Variants in MECOM observed in about 807,000 individuals in gnomAD.
MECOM encodes MDS1 and EVI1 complex locus, also known as histone-lysine N-methyltransferase MECOM.
In MECOM, 13 loss-of-function variants were observed where a neutral mutation model predicts 116.3. The observed-to-expected ratio is 0.11, with a 90% CI of 0.07 to 0.18. The LOEUF (loss-of-function observed/expected upper bound fraction) is 0.18, where lower values mean the gene tolerates loss of function less well. Among genes scored for constraint, MECOM ranks in the 10% least tolerant of loss-of-function variants. The pLI is 1.00. For synonymous variants in MECOM, 528 were observed against 535.2 expected (o/e 0.99, Z 0.19); for missense variants, 1,299 against 1,509.0 (o/e 0.86, Z 2.31).
chr3:169,559,328 CA>C (rs1365845159), intron 1 of MECOM, among the ~76,000 whole-genome samples: 2 of 152,054 alleles, frequency 1.3e-5, no homozygotes, highest in Admixed American at 6.6e-5. Flanking sequence ...CTTGGTCAAA[CA>C]ATACATTAAA....
chr3:169,319,228 T>C (rs1362011328), intron 2 of MECOM, among the ~76,000 whole-genome samples: 2 of 152,138 alleles, frequency 1.3e-5, no homozygotes, highest in Non-Finnish European at 2.9e-5. Flanking sequence ...ATATACACCA[T>C]GCAATACTAT....
chr3:169,131,150 T>G (rs748793263), intron 4 of MECOM, among the ~76,000 whole-genome samples: 1 of 152,188 alleles, frequency 6.6e-6, no homozygotes, highest in Admixed American at 6.5e-5. Context: ...CACCATAAAC[T>G]AATGCATTGA....
chr3:169,374,878 T>C (rs945189474), intron 2 of MECOM, among the ~76,000 whole-genome samples: 3 of 151,476 alleles, frequency 2.0e-5, no homozygotes, highest in Non-Finnish European at 4.4e-5. Context: ...ACAAAAGATG[T>C]TTTTTTTAAT....
intron 2 of MECOM, among the ~76,000 whole-genome samples, chr3:169,230,483 T>A (rs1440571797): frequency 6.6e-6 from 1 of 152,180 alleles, no homozygotes; most frequent in Non-Finnish European, 1.5e-5. Flanking sequence ...AGATACCAGT[T>A]CATTATGACT....
At chr3:169,657,697 G>A (rs1256489590) in intron 1 of MECOM, among the ~76,000 whole-genome samples, 1 of 152,208 alleles carries the variant, frequency 6.6e-6, no homozygotes, top group East Asian at 1.9e-4. Context: ...ACTCAAATAA[G>A]CTGCCCCAGC....
chr3:169,451,447 G>C (rs959962397), intron 1 of MECOM, among the ~76,000 whole-genome samples: 2 of 152,232 alleles, frequency 1.3e-5, no homozygotes, highest in Non-Finnish European at 2.9e-5. Flanking sequence ...AGGGAAAGTA[G>C]ATAGAAAGCT....
chr3:169,377,027 A>G (rs1229991779), intron 2 of MECOM, among the ~76,000 whole-genome samples: 1 of 152,160 alleles, frequency 6.6e-6, no homozygotes, highest in African/African-American at 2.4e-5. Context: ...AACACCACAC[A>G]TCTACAACCA....
intron 1 of MECOM, among the ~76,000 whole-genome samples, chr3:169,444,134 G>A (rs1744208976): frequency 6.6e-6 from 1 of 152,112 alleles, no homozygotes; most frequent in Non-Finnish European, 1.5e-5. Context: ...CAGAGTTCCT[G>A]AAGTATCATT....
chr3:169,279,337 C>T (rs1048606241), intron 2 of MECOM, among the ~76,000 whole-genome samples: 5 of 152,136 alleles, frequency 3.3e-5, no homozygotes, highest in African/African-American at 1.2e-4. Flanking sequence ...TTAGCTGGGT[C>T]AGTTTCTTCC....
At chr3:169,272,720 C>T (rs993694514) in intron 2 of MECOM, among the ~76,000 whole-genome samples, 1 of 152,050 alleles carries the variant, frequency 6.6e-6, no homozygotes, top group African/African-American at 2.4e-5. Context: ...CCTGGCCGGC[C>T]CCTGTGACCT....
At chr3:169,584,972 C>G (rs377655337) in intron 1 of MECOM, among the ~76,000 whole-genome samples, 3 of 152,142 alleles carry the variant, frequency 2.0e-5, no homozygotes, top group African/African-American at 7.2e-5. Context: ...AAGGATCTTA[C>G]GAGAATGATG....
intron 2 of MECOM, among the ~76,000 whole-genome samples, chr3:169,192,838 G>A (rs1185074141): frequency 2.0e-5 from 3 of 152,042 alleles, no homozygotes; most frequent in Non-Finnish European, 4.4e-5. Context: ...GGAAGGTGAT[G>A]TCATGCATTC....
At chr3:169,440,442 G>C (rs1446956840) in intron 1 of MECOM, among the ~76,000 whole-genome samples, 1 of 151,922 alleles carries the variant, frequency 6.6e-6, no homozygotes, top group East Asian at 1.9e-4. Context: ...AATTTGCCAA[G>C]TGGAGGTCCA....
At chr3:169,337,080 A>G (rs937463558) in intron 2 of MECOM, among the ~76,000 whole-genome samples, 2 of 152,194 alleles carry the variant, frequency 1.3e-5, no homozygotes, top group South Asian at 4.1e-4. Context: ...GATTGCGTCC[A>G]TGAATAAGAT....
intron 2 of MECOM, among the ~76,000 whole-genome samples, chr3:169,293,909 G>A (rs567533948): frequency 1.3e-4 from 20 of 152,296 alleles, no homozygotes; most frequent in African/African-American, 4.6e-4. Flanking sequence ...ACAGTCCTCA[G>A]GTGGAGACCT....
chr3:169,571,941 A>G (rs1370442202), intron 1 of MECOM, among the ~76,000 whole-genome samples: 1 of 152,230 alleles, frequency 6.6e-6, no homozygotes, highest in East Asian at 1.9e-4. Flanking sequence ...CAAAGACTTC[A>G]TGACTAAAAC....
intron 2 of MECOM, among the ~76,000 whole-genome samples, chr3:169,181,261 C>T (rs540037780): frequency 7.2e-5 from 11 of 152,196 alleles, no homozygotes; most frequent in East Asian, 5.8e-4. Flanking sequence ...CTGCCTAATA[C>T]GGCAGCTACT....
chr3:169,444,177 G>A (rs1284105880), intron 1 of MECOM, among the ~76,000 whole-genome samples: 1 of 152,066 alleles, frequency 6.6e-6, no homozygotes, highest in Non-Finnish European at 1.5e-5. Flanking sequence ...CAAATCTTAT[G>A]AGGACTCTCA....
chr3:169,382,849 C>CAAAAAA (rs1157852145), intron 1 of MECOM, among the ~76,000 whole-genome samples: 13 of 47,152 alleles, frequency 2.8e-4, no homozygotes, highest in African/African-American at 1.2e-3. Context: ...AAGCCCATCT[C>CAAAAAA]AAAAAAAAAA....
Sources: gnomAD v4.1 joint callset for allele counts (sites outside exome capture counted in the v4.1 genomes callset) on GRCh38, gnomAD v4.1.1 for gene constraint, MANE v1.5 for transcripts, NCBI Gene and HGNC (gene_info 2026-07-23, HGNC 2026-07-21) for gene names.